Variants in PCDHA11 observed in about 807,000 individuals in gnomAD.
The protein encoded by PCDHA11 is protocadherin alpha-11.
Under a neutral mutation model 70.3 loss-of-function variants are expected in PCDHA11, and 61 were observed. That is an observed-to-expected ratio of 0.87 (90% confidence interval 0.71 to 1.07). PCDHA11 has a LOEUF of 1.07. PCDHA11 is among the 50% of genes least tolerant of loss of function. The pLI is 0.00. For synonymous variants in PCDHA11, 633 were observed against 555.1 expected, an observed-to-expected ratio of 1.14 and a Z score of -1.97; for missense variants, 1,324 against 1,237.5, an observed-to-expected ratio of 1.07 and a Z score of -1.05.
In PCDHA11 at chr5:140,869,588, T is replaced by G. The variant is rs1404476349; in HGVS notation, c.485T>G (p.Ile162Ser). ...CTAGAGGGAGCTTCTGATGCTGACA[T>G]TGAAGAGAATGCTCTATTGACCTAC... The part of the protein sequence containing the change: ...FPLEGASDAD[I>S]EENALLTYRL... Residue 162 changes from isoleucine (I) to serine (S), a missense_variant, in exon 1 of 4, where the codon ATT (isoleucine) becomes AGT (serine). By Grantham distance (142) the Ile-to-Ser change is moderately radical. Coordinates refer to ENST00000398640, the MANE Select transcript of PCDHA11 (RefSeq NM_018902.5). The G allele has an allele frequency of 4.3e-6, 7 of 1,613,996 alleles. No individual in the cohort carries two copies. The highest frequency in any genetic ancestry group is 5.9e-6 in the Non-Finnish European group (7 of 1,180,026).
intron 1 of PCDHA11, chr5:140,927,596 G>A (rs374002981): frequency 2.5e-6 from 4 of 1,614,044 alleles, no homozygotes; most frequent in African/African-American, 2.7e-5. Context: ...GTATTTGAGC[G>A]CTCCGTATAC....
intron 1 of PCDHA11, chr5:140,927,237 G>A (rs1554204217): frequency 1.2e-6 from 2 of 1,614,110 alleles, no homozygotes; most frequent in Admixed American, 1.7e-5. Flanking sequence ...TTCACGTCCT[G>A]GACACCAATG....
chr5:140,949,976 TACTTA>T (rs2094437494), intron 1 of PCDHA11, among the ~76,000 whole-genome samples: 1 of 151,940 alleles, frequency 6.6e-6, no homozygotes, highest in Admixed American at 6.6e-5. Flanking sequence ...ACAGCATACA[TACTTA>T]ACTTTTCTCA....
Position 140,980,736 on chromosome 5 carries a change from A to G in PCDHA11, c.2450+1729A>G, listed in dbSNP as rs1014210313. 6.6e-5 allele frequency among the ~76,000 whole-genome samples: 10 copies of G among 152,312 alleles called. No individual in the cohort carries two copies. The East Asian group carries it at 1.9e-3, about 29-fold the overall frequency. ...TTCGGGTTTCAATTAAGATATTATG[A>G]GATTTGAGTAGGGTAAGAAATAAAA... On this transcript the variant is annotated intron_variant, in intron 2 of 3. Transcript: ENST00000398640.
chr5:140,975,058 C>T (rs1016137596), intron 1 of PCDHA11, among the ~76,000 whole-genome samples: 34 of 152,090 alleles, frequency 2.2e-4, no homozygotes, highest in African/African-American at 8.2e-4. Context: ...AATCTACTAT[C>T]GAGCTCATTC....
Position 140,928,898 on chromosome 5 carries a change from A to T in PCDHA11, c.2392-50051A>T, listed in dbSNP as rs782530169. ...CCTCAGTTACTTCCAGACTTTGAAGATGTCTGGGAACCAGGAGGGCAGCTT... is the reference window on the plus strand; with the variant it reads ...CCTCAGTTACTTCCAGACTTTGAAGTTGTCTGGGAACCAGGAGGGCAGCTT... On this transcript the variant is annotated intron_variant, in intron 1 of 3. Coordinates refer to ENST00000398640, the MANE Select transcript of PCDHA11 (RefSeq NM_018902.5). 77 of 1,614,004 alleles carry T rather than the reference A, an allele frequency of 4.8e-5. No individual in the cohort carries two copies. The African/African-American group carries it at 7.2e-4, about 15-fold the overall frequency.
At chr5:141,005,488 G>A (rs138290389) in intron 3 of PCDHA11, among the ~76,000 whole-genome samples, 2,990 of 151,856 alleles carry the variant, frequency 0.02, 115 homozygotes, top group African/African-American at 0.068. Flanking sequence ...CGGATCATGA[G>A]GTCAGGAGAT....
chr5:140,967,104 A>T (rs374744732), intron 1 of PCDHA11: 3 of 1,613,028 alleles, frequency 1.9e-6, no homozygotes, highest in Non-Finnish European at 2.5e-6. Context: ...CTGTGTGAGC[A>T]GCGGCCTCGC....
intron 1 of PCDHA11, among the ~76,000 whole-genome samples, chr5:140,926,178 GC>G (rs1221259064): frequency 6.6e-6 from 1 of 151,700 alleles, no homozygotes; most frequent in South Asian, 2.2e-4. Flanking sequence ...AGCGCGGAAA[GC>G]CCCCCGCAGC....
rs1554164453 is a variant in PCDHA11, at chr5:140,870,601, G to A, written c.1498G>A (p.Asp500Asn). The A allele has an allele frequency of 1.2e-6, 2 of 1,613,228 alleles. No homozygotes were observed. Among genetic ancestry groups the A allele is most frequent in the Admixed American group, 1.7e-5 (1 of 59,984 alleles). ...SYSLVERRLG[D>N]RALSSYVSVH... ...CTCGCTGGTGGAGCGGCGGTTGGGCGACCGCGCGCTGTCGAGCTACGTGTC... is the reference window on the plus strand; with the variant it reads ...CTCGCTGGTGGAGCGGCGGTTGGGCAACCGCGCGCTGTCGAGCTACGTGTC... Residue 500 changes from aspartate to asparagine, a missense_variant, in exon 1 of 4, where the codon GAC becomes AAC. By Grantham distance (23) the Asp-to-Asn change is conservative. Coordinates refer to ENST00000398640, the MANE Select transcript of PCDHA11 (RefSeq NM_018902.5).
chr5:140,959,842 C>G (rs1219308136), intron 1 of PCDHA11, among the ~76,000 whole-genome samples: 2 of 152,118 alleles, frequency 1.3e-5, no homozygotes, highest in African/African-American at 4.8e-5. Context: ...ATGCCTGTAA[C>G]TGCTAAAGGA....
At chr5:140,928,096 C>T (rs145229632) in intron 1 of PCDHA11, 1 of 1,614,170 alleles carries the variant, frequency 6.2e-7, no homozygotes, top group Non-Finnish European at 8.5e-7. Context: ...GATTGATGGG[C>T]CCCTGGACCG....
chr5:141,010,405 C>A lies in PCDHA11; in HGVS notation c.*468C>A. The A allele has an allele frequency of 7.9e-7, 1 of 1,260,098 alleles. No homozygotes were observed. The highest frequency in any genetic ancestry group is 1.1e-6 in the Non-Finnish European group (1 of 934,062). The allele number at this position is 1,260,098 out of a possible 1,614,324, so 78.1% of individuals were successfully genotyped here. On this transcript the variant is annotated 3_prime_UTR_variant, in exon 4 of 4. Transcript: ENST00000398640. ...ATTGGCTGAGACGAGCCAGCTTAGACTAATTGGTACAAGGAAGGCAAGAAA... is the reference window on the plus strand; with the variant it reads ...ATTGGCTGAGACGAGCCAGCTTAGAATAATTGGTACAAGGAAGGCAAGAAA...
At chr5:140,983,885 T>C (rs74936593) in intron 3 of PCDHA11, among the ~76,000 whole-genome samples, 2,965 of 152,290 alleles carry the variant, frequency 0.019, 72 homozygotes, top group African/African-American at 0.056. Flanking sequence ...ACTGGCAACT[T>C]TAAGGGCATT....
At chr5:140,875,738 G>C (rs1197047985) in intron 1 of PCDHA11, 1 of 1,614,204 alleles carries the variant, frequency 6.2e-7, no homozygotes, top group Non-Finnish European at 8.5e-7. Context: ...GTGAATTCTC[G>C]GATCGACCGC....
At position 140,979,027 on chromosome 5, in the gene PCDHA11, T is replaced by C. The variant is rs782016038; in HGVS notation, c.2450+20T>C. ...GCACAGGTATGTATTTCCCTCCTCA[T>C]TCACTCAGAAGTAACCTTAACTTGG... On this transcript the variant is annotated intron_variant, in intron 2 of 3. Coordinates refer to ENST00000398640, the MANE Select transcript of PCDHA11 (RefSeq NM_018902.5). The C allele has an allele frequency of 3.5e-5, 57 of 1,613,492 alleles. No homozygotes were observed. Among genetic ancestry groups the C allele is most frequent in the Non-Finnish European group, 4.4e-5 (52 of 1,179,754 alleles).
Position 140,869,134 on chromosome 5 carries a change from A to T in PCDHA11, c.31A>T (p.Thr11Ser), listed in dbSNP as rs781973798. 3 of 1,612,182 alleles carry T rather than the reference A, an allele frequency of 1.9e-6. No homozygotes were observed. The highest frequency in any genetic ancestry group is 2.5e-6 in the Non-Finnish European group (3 of 1,178,770). ...TGGTTTTCAGAGAAGGGGATTGGGC[A>T]CCCCACGACTACAGCTCTGGCTTCT... is the stretch of plus-strand genomic sequence containing the variant. The part of the protein sequence containing the change: MFGFQRRGLG[T>S]PRLQLWLLLL... The change falls in exon 1 of 4, where the codon ACC (threonine) becomes TCC (serine). Residue 11 changes from threonine (T) to serine (S), a missense_variant. Transcript: ENST00000398640.
At chr5:140,955,458 T>C (rs246018) in intron 1 of PCDHA11, among the ~76,000 whole-genome samples, 85,567 of 151,850 alleles carry the variant, frequency 0.56, 24,724 homozygotes, top group African/African-American at 0.69. Flanking sequence ...AAGGGCTTTT[T>C]CCTTTTTGCT....
intron 3 of PCDHA11, among the ~76,000 whole-genome samples, chr5:140,987,524 GT>G (rs1341881093): frequency 6.6e-6 from 1 of 152,144 alleles, no homozygotes; most frequent in Non-Finnish European, 1.5e-5. Flanking sequence ...GTAATTGTAT[GT>G]TCCTGGGACC....
Sources: allele counts gnomAD v4.1 joint callset (sites outside exome capture counted in the v4.1 genomes callset), GRCh38; gene constraint gnomAD v4.1.1; transcripts MANE v1.5; gene names NCBI Gene and HGNC (gene_info 2026-07-23, HGNC 2026-07-21).